Variants in ROBO1 observed in about 807,000 individuals in gnomAD.
ROBO1 encodes the protein roundabout homolog 1.
A neutral mutation model predicts 195.9 loss-of-function variants in ROBO1; 149 were observed. That is an observed-to-expected ratio of 0.76 (90% CI 0.67 to 0.87). The LOEUF is 0.87. Ranked by LOEUF, ROBO1 falls within the 40% of genes least tolerant of loss-of-function variation. The probability of loss-of-function intolerance (pLI) is 0.00; values close to 1 mark genes in which losing one functional copy is unlikely to be tolerated. For synonymous variants in ROBO1, 816 were observed against 733.2 expected (o/e 1.11, Z -1.82); for missense variants, 1,933 against 2,068.3 (o/e 0.93, Z 1.27).
intron 1 of ROBO1, among the ~76,000 whole-genome samples, chr3:79,637,848 T>C (rs1347987288): frequency 6.6e-6 from 1 of 152,182 alleles, no homozygotes; most frequent in African/African-American, 2.4e-5. Flanking sequence ...GCACTCTGTG[T>C]ATTCCATAAA....
At chr3:78,958,625 C>T (rs961483860) in intron 3 of ROBO1, among the ~76,000 whole-genome samples, 1 of 151,264 alleles carries the variant, frequency 6.6e-6, no homozygotes, top group Admixed American at 6.6e-5. Context: ...AAAAAATCCA[C>T]GATTTCAAGT....
chr3:79,631,972 A>T (rs1415178646), intron 1 of ROBO1, among the ~76,000 whole-genome samples: 1 of 152,102 alleles, frequency 6.6e-6, no homozygotes, highest in Non-Finnish European at 1.5e-5. Flanking sequence ...ATGTCAAAAA[A>T]CAACAGATAT....
chr3:78,600,351 A>G (rs1371069592), intron 29 of ROBO1, 42 bp from the exon 30 acceptor site: 3 of 1,240,346 alleles, frequency 2.4e-6, no homozygotes, highest in Admixed American at 3.5e-5. Context: ...GTACCATCAT[A>G]CACTTTCACT....
chr3:78,791,199 G>C (rs1452969431), intron 4 of ROBO1, among the ~76,000 whole-genome samples: 1 of 152,138 alleles, frequency 6.6e-6, no homozygotes, highest in Non-Finnish European at 1.5e-5. Context: ...CTATTGCCAT[G>C]CTTGCTTCCT....
At chr3:78,982,255 A>T (rs1303066908) in intron 3 of ROBO1, among the ~76,000 whole-genome samples, 1 of 152,158 alleles carries the variant, frequency 6.6e-6, no homozygotes, top group Non-Finnish European at 1.5e-5. Flanking sequence ...GAAGAGGGGT[A>T]TATAAGTACC....
chr3:78,638,448 AG>A (rs1358369268), intron 22 of ROBO1, among the ~76,000 whole-genome samples: 3 of 151,836 alleles, frequency 2.0e-5, no homozygotes, highest in Non-Finnish European at 4.4e-5. Flanking sequence ...TTACTGTTGT[AG>A]ATTATTATTA....
At chr3:79,116,520 TTTC>T (rs1475717220) in intron 3 of ROBO1, among the ~76,000 whole-genome samples, 10 of 149,136 alleles carry the variant, frequency 6.7e-5, no homozygotes, top group African/African-American at 1.2e-4. Context: ...TCTTTCTCTC[TTTC>T]TTCTTTTTTT....
intron 2 of ROBO1, among the ~76,000 whole-genome samples, chr3:79,377,256 G>T (rs1466905003): frequency 6.6e-6 from 1 of 152,066 alleles, no homozygotes; most frequent in African/African-American, 2.4e-5. Context: ...TTAATCTGTT[G>T]CCAGAGTATT....
chr3:79,415,292 C>T (rs550216117), intron 2 of ROBO1, among the ~76,000 whole-genome samples: 4 of 152,174 alleles, frequency 2.6e-5, no homozygotes, highest in Admixed American at 1.3e-4. Context: ...TAGAAATGGA[C>T]GCTGTATAAT....
At chr3:78,885,095 C>T (rs540717266) in intron 4 of ROBO1, among the ~76,000 whole-genome samples, 5 of 152,220 alleles carry the variant, frequency 3.3e-5, no homozygotes, top group South Asian at 4.1e-4. Context: ...AAGGAGATCA[C>T]GTCCTTTGCA....
At chr3:79,326,077 T>C (rs1049059773) in intron 2 of ROBO1, among the ~76,000 whole-genome samples, 3 of 152,102 alleles carry the variant, frequency 2.0e-5, no homozygotes, top group Non-Finnish European at 4.4e-5. Flanking sequence ...CCAGGCTTAT[T>C]AGGAAGAGGA....
At chr3:79,500,331 T>C (rs1400522590) in intron 2 of ROBO1, among the ~76,000 whole-genome samples, 1 of 152,032 alleles carries the variant, frequency 6.6e-6, no homozygotes, top group Non-Finnish European at 1.5e-5. Context: ...GGTTTCACCA[T>C]GTTGGCCAGG....
chr3:79,434,987 C>G (rs568545009), intron 2 of ROBO1, among the ~76,000 whole-genome samples: 1 of 152,188 alleles, frequency 6.6e-6, no homozygotes, highest in African/African-American at 2.4e-5. Context: ...ACCGCATGTT[C>G]TCACTCATAG....
Position 78,806,161 on chromosome 3 carries a change from A to T in ROBO1, c.500-59261T>A, listed in dbSNP as rs896566543. ...TTAAGTTTTATTTTTTTTTTAAGAGACAGGGTCTCACTATGTTAACCAGGC... is the reference window on the plus strand; with the variant it reads ...TTAAGTTTTATTTTTTTTTTAAGAGTCAGGGTCTCACTATGTTAACCAGGC... On this transcript the variant is annotated intron_variant, in intron 4 of 30. Transcript: ENST00000464233. Among the ~76,000 whole-genome samples, 19 of 151,836 alleles carry T rather than the reference A, an allele frequency of 1.3e-4. 1 individual carries two copies. Among genetic ancestry groups the T allele is most frequent in the Admixed American group, 3.3e-4 (5 of 15,234 alleles).
chr3:78,950,511 T>G (rs1576456105), intron 3 of ROBO1, among the ~76,000 whole-genome samples: 1 of 81,982 alleles, frequency 1.2e-5, no homozygotes, highest in Non-Finnish European at 2.2e-5. Flanking sequence ...AGGCCTGTTG[T>G]GGGGTGGGGG....
intron 2 of ROBO1, among the ~76,000 whole-genome samples, chr3:79,176,509 G>A (rs763634157): frequency 3.3e-5 from 5 of 152,080 alleles, no homozygotes; most frequent in Non-Finnish European, 7.4e-5. Flanking sequence ...CCAGGCTGGG[G>A]TGCAGTGGCA....
At chr3:78,645,633 G>A (rs145937802) in intron 21 of ROBO1, among the ~76,000 whole-genome samples, 1 of 152,046 alleles carries the variant, frequency 6.6e-6, no homozygotes, top group East Asian at 1.9e-4. Flanking sequence ...TTCAATTAGA[G>A]GAGGGAAAAC....
rs188790969 is a variant in ROBO1, at chr3:79,340,655, C to A, written c.89-215116G>T. 2.6e-5 allele frequency among the ~76,000 whole-genome samples: 4 copies of A among 152,100 alleles called. No homozygotes were observed. In the East Asian group the frequency reaches 7.7e-4, roughly 29 times the overall value. ...ACTAGGGAATGTACCTTGGTACCAC[C>A]CTTTACTGTGTCTCTCCTATTTCTT... is the stretch of plus-strand genomic sequence containing the variant. On this transcript the variant is annotated intron_variant, in intron 2 of 30. Coordinates refer to ENST00000464233, the MANE Select transcript of ROBO1 (RefSeq NM_002941.4).
At chr3:79,382,804 T>G (rs1024075815) in intron 2 of ROBO1, among the ~76,000 whole-genome samples, 2 of 152,140 alleles carry the variant, frequency 1.3e-5, no homozygotes, top group African/African-American at 2.4e-5. Flanking sequence ...TCCTCTATTC[T>G]CAATTCCTTG....
Sources: gnomAD v4.1 joint callset for allele counts (sites outside exome capture counted in the v4.1 genomes callset) on GRCh38, gnomAD v4.1.1 for gene constraint, MANE v1.5 for transcripts, NCBI Gene and HGNC (gene_info 2026-07-23, HGNC 2026-07-21) for gene names.